The following IGSF21 variants were observed in gnomAD, a reference collection of about 807,000 sequenced individuals.
IGSF21 encodes immunoglobin superfamily member 21.
IGSF21 carries 28 observed loss-of-function variants against 46.8 expected under a neutral mutation model. The observed-to-expected ratio is 0.60, with a 90% CI of 0.44 to 0.82. The LOEUF (loss-of-function observed/expected upper bound fraction) is 0.82, where lower values mean the gene tolerates loss of function less well. Ranked by LOEUF, IGSF21 falls within the 40% of genes least tolerant of loss-of-function variation. The probability of loss-of-function intolerance (pLI) is 0.00; values close to 1 mark genes in which losing one functional copy is unlikely to be tolerated. For missense variants in IGSF21, 624 were observed against 665.5 expected (o/e 0.94, Z 0.69); for synonymous variants, 284 against 273.6 (o/e 1.04, Z -0.38).
chr1:18,119,721 C>T (rs1464353912), intron 1 of IGSF21, among the ~76,000 whole-genome samples: 1 of 151,562 alleles, frequency 6.6e-6, no homozygotes, highest in Non-Finnish European at 1.5e-5. Flanking sequence ...GGGCAACAAG[C>T]CTCCAGCGAG....
At chr1:18,310,301 T>C (rs1008828227) in intron 3 of IGSF21, among the ~76,000 whole-genome samples, 3 of 152,258 alleles carry the variant, frequency 2.0e-5, no homozygotes, top group African/African-American at 7.2e-5. Context: ...CCTCATGAGG[T>C]TTCCTTCCAC....
intron 1 of IGSF21, among the ~76,000 whole-genome samples, chr1:18,174,932 G>T (rs537953470): frequency 6.6e-6 from 1 of 152,336 alleles, no homozygotes; most frequent in East Asian, 1.9e-4. Flanking sequence ...AGGTCTCTGG[G>T]GCCCTGGGCT....
chr1:18,286,005 C>G (rs1053227472), intron 2 of IGSF21, among the ~76,000 whole-genome samples: 1 of 152,196 alleles, frequency 6.6e-6, no homozygotes, highest in Non-Finnish European at 1.5e-5. Context: ...CATGATCCTT[C>G]CCGTTTTGCA....
At chr1:18,253,901 C>G (rs959859035) in intron 2 of IGSF21, among the ~76,000 whole-genome samples, 2 of 152,146 alleles carry the variant, frequency 1.3e-5, no homozygotes, top group African/African-American at 4.8e-5. Flanking sequence ...TGGATCAAGT[C>G]AGGGGAAAGT....
chr1:18,266,035 C>A (rs557540698), intron 2 of IGSF21, among the ~76,000 whole-genome samples: 1 of 152,146 alleles, frequency 6.6e-6, no homozygotes, highest in Non-Finnish European at 1.5e-5. Flanking sequence ...GCTATCAGAA[C>A]GTGCAGATGA....
At chr1:18,328,894 G>A (rs191111814) in intron 3 of IGSF21, among the ~76,000 whole-genome samples, 3 of 152,174 alleles carry the variant, frequency 2.0e-5, no homozygotes, top group African/African-American at 4.8e-5. Context: ...CTCGTGTGGG[G>A]CGTGGAGAAT....
At chr1:18,240,674 T>C (rs1451019487) in intron 2 of IGSF21, among the ~76,000 whole-genome samples, 4 of 152,206 alleles carry the variant, frequency 2.6e-5, no homozygotes, top group African/African-American at 9.6e-5. Flanking sequence ...GGTAAACTTG[T>C]AGTTGATGAG....
chr1:18,189,932 G>A (rs1213575931), intron 1 of IGSF21, among the ~76,000 whole-genome samples: 2 of 152,198 alleles, frequency 1.3e-5, no homozygotes, highest in Admixed American at 1.3e-4. Flanking sequence ...GCCACTCCAG[G>A]CTTGTGGTAT....
Position 18,309,889 on chromosome 1 carries a change from G to A in IGSF21, c.305+17902G>A, listed in dbSNP as rs565356742. On this transcript the variant is annotated intron_variant, in intron 3 of 9. Transcript: ENST00000251296. Reference sequence around the variant, plus strand: ...TTTGGACTGAGTCTCCACACCATTAGCTCTCCTGCTCTGTTTCTCCCCCAC... The same window carrying A: ...TTTGGACTGAGTCTCCACACCATTAACTCTCCTGCTCTGTTTCTCCCCCAC... Among the ~76,000 whole-genome samples the A allele has an allele frequency of 2.0e-3, 308 of 152,264 alleles. 1 individual carries two copies. Among genetic ancestry groups the A allele is most frequent in the African/African-American group, 7.1e-3 (294 of 41,548 alleles).
chr1:18,190,139 G>T (rs1264433350), intron 1 of IGSF21, among the ~76,000 whole-genome samples: 1 of 152,176 alleles, frequency 6.6e-6, no homozygotes, highest in Admixed American at 6.5e-5. Context: ...TCCAGAGGTG[G>T]CCCCCATCTG....
chr1:18,318,255 G>A (rs1390606824), intron 3 of IGSF21, among the ~76,000 whole-genome samples: 1 of 152,166 alleles, frequency 6.6e-6, no homozygotes, highest in East Asian at 1.9e-4. Flanking sequence ...CAGGTGGGTA[G>A]ACAGTTATTT....
At chr1:18,332,777 T>A (rs538630327) in intron 3 of IGSF21, among the ~76,000 whole-genome samples, 3 of 152,258 alleles carry the variant, frequency 2.0e-5, no homozygotes, top group African/African-American at 7.2e-5. Flanking sequence ...TGTCAACCTC[T>A]GTGTGTTCTA....
intron 6 of IGSF21, among the ~76,000 whole-genome samples, chr1:18,374,431 C>T (rs959604023): frequency 6.6e-6 from 1 of 152,138 alleles, no homozygotes; most frequent in African/African-American, 2.4e-5. Context: ...TATCATTGTT[C>T]CCATGGTGCA....
At chr1:18,300,789 A>G (rs1369062412) in intron 3 of IGSF21, among the ~76,000 whole-genome samples, 3 of 151,988 alleles carry the variant, frequency 2.0e-5, no homozygotes, top group African/African-American at 7.2e-5. Flanking sequence ...ACTGGACCCA[A>G]TCCCAGGCCT....
intron 3 of IGSF21, among the ~76,000 whole-genome samples, chr1:18,305,484 TG>T (rs1361793721): frequency 1.7e-4 from 23 of 136,188 alleles, no homozygotes; most frequent in Non-Finnish European, 3.3e-4. Flanking sequence ...GATGGATGGA[TG>T]GATGATGGAT....
intron 1 of IGSF21, among the ~76,000 whole-genome samples, chr1:18,225,336 C>T (rs796365558): frequency 4.6e-5 from 7 of 152,100 alleles, no homozygotes; most frequent in South Asian, 4.2e-4. Context: ...ACATCTGCTG[C>T]GCCTGCCAGT....
At chr1:18,272,458 G>A (rs956560643) in intron 2 of IGSF21, among the ~76,000 whole-genome samples, 1 of 152,222 alleles carries the variant, frequency 6.6e-6, no homozygotes, top group East Asian at 1.9e-4. Flanking sequence ...TCCTAAGGTA[G>A]TTGGGAGGAT....
chr1:18,303,486 C>A (rs1557633954), intron 3 of IGSF21, among the ~76,000 whole-genome samples: 1 of 152,148 alleles, frequency 6.6e-6, no homozygotes, highest in East Asian at 1.9e-4. Context: ...AGTGGCTTGC[C>A]TTGATCAGGG....
At chr1:18,244,928 G>A (rs529333471) in intron 2 of IGSF21, among the ~76,000 whole-genome samples, 11 of 152,266 alleles carry the variant, frequency 7.2e-5, no homozygotes, top group Admixed American at 3.3e-4. Flanking sequence ...CCACTTAGAA[G>A]CTGTGTGACT....
Sources: allele counts gnomAD v4.1 joint callset (sites outside exome capture counted in the v4.1 genomes callset), GRCh38; gene constraint gnomAD v4.1.1; transcripts MANE v1.5; gene names NCBI Gene and HGNC (gene_info 2026-07-23, HGNC 2026-07-21).